The following SLC22A3 variants were observed in gnomAD, a reference collection of about 807,000 sequenced individuals.
The protein encoded by SLC22A3 is EMT organic cation transporter 3.
A neutral mutation model predicts 59.1 loss-of-function variants in SLC22A3; 51 were observed. That is an observed-to-expected ratio of 0.86 (90% CI 0.69 to 1.09). SLC22A3 has a LOEUF of 1.09. SLC22A3 is among the 50% of genes least tolerant of loss of function. SLC22A3 has a pLI of 0.00. For synonymous variants in SLC22A3, 325 were observed against 292.0 expected, an observed-to-expected ratio of 1.11 and a Z score of -1.15; for missense variants, 711 against 726.3, an observed-to-expected ratio of 0.98 and a Z score of 0.24.
chr6:160,400,660 A>T (rs1462362169), intron 2 of SLC22A3, among the ~76,000 whole-genome samples: 1 of 5,730 alleles, frequency 1.7e-4, no homozygotes, highest in African/African-American at 2.3e-3. Context: ...GCCAAAACAC[A>T]CACACACACA....
At chr6:160,448,656 GA>G (rs1343489567) in intron 10 of SLC22A3, among the ~76,000 whole-genome samples, 1 of 149,142 alleles carries the variant, frequency 6.7e-6, no homozygotes, top group Non-Finnish European at 1.5e-5. Flanking sequence ...GTAATGTCAA[GA>G]AAAATTCACA....
intron 5 of SLC22A3, among the ~76,000 whole-genome samples, chr6:160,416,814 G>A (rs1407197376): frequency 1.3e-5 from 2 of 152,212 alleles, no homozygotes; most frequent in Non-Finnish European, 2.9e-5. Context: ...CTGTGTGCAA[G>A]TGTGAATAAT....
At chr6:160,385,414 A>T (rs1256380081) in intron 1 of SLC22A3, among the ~76,000 whole-genome samples, 5 of 152,018 alleles carry the variant, frequency 3.3e-5, no homozygotes, top group Admixed American at 2.6e-4. Context: ...GCTCAGGGGG[A>T]GATATCCAAG....
chr6:160,377,015 C>T (rs1190536489), intron 1 of SLC22A3, among the ~76,000 whole-genome samples: 1 of 152,164 alleles, frequency 6.6e-6, no homozygotes, highest in African/African-American at 2.4e-5. Flanking sequence ...CACTCCATCA[C>T]ATCCAACACC....
chr6:160,419,167 A>AT (rs1270526539), intron 5 of SLC22A3, among the ~76,000 whole-genome samples: 10 of 152,012 alleles, frequency 6.6e-5, no homozygotes, highest in Admixed American at 1.3e-4. Context: ...TGTCTTACTG[A>AT]TTTTTTTTAT....
chr6:160,405,047 C>A (rs998914563), intron 2 of SLC22A3, among the ~76,000 whole-genome samples: 2 of 151,846 alleles, frequency 1.3e-5, no homozygotes, highest in Admixed American at 6.6e-5. Flanking sequence ...AACTGATAAG[C>A]TGGACTTCAT....
At chr6:160,367,868 C>T (rs1486651332) in intron 1 of SLC22A3, among the ~76,000 whole-genome samples, 1 of 152,192 alleles carries the variant, frequency 6.6e-6, no homozygotes, top group East Asian at 1.9e-4. Flanking sequence ...CATAATGTCC[C>T]TGCACCCTCT....
At chr6:160,425,901 G>A in intron 5 of SLC22A3, 2 of 985,426 alleles carry the variant, frequency 2.0e-6, no homozygotes, top group Non-Finnish European at 2.4e-6. Context: ...ATGCTTCGCT[G>A]TCAACAACAT....
chr6:160,403,093 AG>A (rs1230676812), intron 2 of SLC22A3, among the ~76,000 whole-genome samples: 3 of 151,632 alleles, frequency 2.0e-5, no homozygotes, highest in Non-Finnish European at 1.5e-5. Flanking sequence ...TAAAACCAAA[AG>A]CTGGTTATTT....
At chr6:160,443,792 C>T (rs2114926055) in intron 9 of SLC22A3, 50 bp downstream of exon 9, 1 of 1,025,310 alleles carries the variant, frequency 9.8e-7, no homozygotes, top group Middle Eastern at 2.1e-4. Flanking sequence ...ATTCTTTGTA[C>T]TAAAAGAGAC....
chr6:160,428,086 C>CA (rs71542977), intron 5 of SLC22A3, among the ~76,000 whole-genome samples: 1 of 149,884 alleles, frequency 6.7e-6, no homozygotes, highest in South Asian at 2.1e-4. Context: ...CCCACCCCCC[C>CA]ACCCACACAC....
chr6:160,389,147 G>A (rs1048432650), intron 1 of SLC22A3, among the ~76,000 whole-genome samples: 1 of 152,162 alleles, frequency 6.6e-6, no homozygotes, highest in Non-Finnish European at 1.5e-5. Flanking sequence ...ATGACATGAT[G>A]ATGAAATATC....
At chr6:160,358,438 G>A (rs1784910769) in intron 1 of SLC22A3, among the ~76,000 whole-genome samples, 1 of 152,208 alleles carries the variant, frequency 6.6e-6, no homozygotes, top group Non-Finnish European at 1.5e-5. Flanking sequence ...CAAGCCCCTA[G>A]GGCTGAGGGA....
chr6:160,365,500 C>G (rs1482105776), intron 1 of SLC22A3, among the ~76,000 whole-genome samples: 1 of 152,174 alleles, frequency 6.6e-6, no homozygotes, highest in African/African-American at 2.4e-5. Flanking sequence ...ATTTGCATTT[C>G]TAACACTTGC....
rs1195127264 is a variant in SLC22A3 at position 160,410,812 on chromosome 6, G to A, written c.941G>A (p.Cys314Tyr). 80 of 1,611,586 alleles carry A rather than the reference G, an allele frequency of 5.0e-5. No homozygotes were observed. The highest frequency in any genetic ancestry group is 6.6e-5 in the Non-Finnish European group (78 of 1,178,174). The change falls in exon 5 of 11, where the codon TGC (cysteine) becomes TAC (tyrosine). Residue 314 changes from cysteine (C) to tyrosine (Y), a missense_variant. Coordinates refer to ENST00000275300, the MANE Select transcript of SLC22A3 (RefSeq NM_021977.4). ...ALQILRRIAK[C>Y]NGKYLSSNYS... ...CAGATCCTGAGACGCATTGCTAAGT[G>A]CAATGGGAAATACCTCTCATCAAAT...
chr6:160,365,687 A>G (rs1322920970), intron 1 of SLC22A3, among the ~76,000 whole-genome samples: 2 of 152,214 alleles, frequency 1.3e-5, no homozygotes, highest in Non-Finnish European at 1.5e-5. Context: ...TCAGTTCTTT[A>G]AAATTCAGCT....
chr6:160,428,141 GA>G (rs1238412258), intron 5 of SLC22A3, among the ~76,000 whole-genome samples: 5 of 109,464 alleles, frequency 4.6e-5, no homozygotes, highest in Non-Finnish European at 6.9e-5. Flanking sequence ...TTGCTTTTAA[GA>G]AATGAAGAAA....
At chr6:160,434,313 T>C (rs1029020797) in intron 5 of SLC22A3, among the ~76,000 whole-genome samples, 2 of 152,236 alleles carry the variant, frequency 1.3e-5, no homozygotes, top group African/African-American at 4.8e-5. Context: ...GATGTGGCCA[T>C]CAACTATCAA....
chr6:160,370,851 T>C (rs1785373739), intron 1 of SLC22A3, among the ~76,000 whole-genome samples: 1 of 152,226 alleles, frequency 6.6e-6, no homozygotes, highest in Non-Finnish European at 1.5e-5. Flanking sequence ...TTTCTGATAT[T>C]GTAATCCTGT....
Sources: gnomAD v4.1 joint callset for allele counts (sites outside exome capture counted in the v4.1 genomes callset) on GRCh38, gnomAD v4.1.1 for gene constraint, MANE v1.5 for transcripts, NCBI Gene and HGNC (gene_info 2026-07-23, HGNC 2026-07-21) for gene names.